SLC7A7: variants seen among roughly 807,000 people sequenced by gnomAD.
SLC7A7 encodes Y+L amino acid transporter 1.
A neutral mutation model predicts 47.9 loss-of-function variants in SLC7A7; 39 were observed. The ratio of observed to expected loss-of-function variants is 0.81; its 90% confidence interval spans 0.63 to 1.06. The LOEUF (loss-of-function observed/expected upper bound fraction) is 1.06, where lower values mean the gene tolerates loss of function less well. SLC7A7 is among the 50% of genes least tolerant of loss of function. SLC7A7 has a pLI of 0.00. For missense variants in SLC7A7, 588 were observed against 632.0 expected, an observed-to-expected ratio of 0.93 and a Z score of 0.75; for synonymous variants, 234 against 242.8, an observed-to-expected ratio of 0.96 and a Z score of 0.34.
intron 2 of SLC7A7, among the ~76,000 whole-genome samples, chr14:22,806,898 T>A (rs2039220284): frequency 6.8e-6 from 1 of 147,360 alleles, no homozygotes; most frequent in Non-Finnish European, 1.5e-5. Context: ...CTGTTAACTT[T>A]TTTTTTTTTT....
chr14:22,783,558 G>A (rs2038759496), intron 2 of SLC7A7, among the ~76,000 whole-genome samples: 1 of 151,728 alleles, frequency 6.6e-6, no homozygotes, highest in African/African-American at 2.4e-5. Context: ...TCAACACCAT[G>A]CCCAGCTAAT....
intron 2 of SLC7A7, among the ~76,000 whole-genome samples, chr14:22,786,643 G>A (rs2038822637): frequency 6.6e-6 from 1 of 152,134 alleles, no homozygotes; most frequent in South Asian, 2.1e-4. Context: ...CTATAAAAAT[G>A]ATTTTTTTAG....
At chr14:22,818,748 C>T (rs537008141), upstream of SLC7A7, among the ~76,000 whole-genome samples, 11 of 151,930 alleles carry the variant, frequency 7.2e-5, no homozygotes, top group Non-Finnish European at 1.5e-4. Flanking sequence ...TGCCCGCCAC[C>T]GCGCCCAGCT....
At chr14:22,817,228 C>T, upstream of SLC7A7, 1 of 230,534 alleles carries the variant, frequency 4.3e-6, no homozygotes, top group Middle Eastern at 4.7e-4. Flanking sequence ...ACTGCAACCT[C>T]CACCACCTCC....
upstream of SLC7A7, chr14:22,816,069 C>G: frequency 5.4e-6 from 1 of 184,702 alleles, no homozygotes; most frequent in Non-Finnish European, 1.2e-5. Context: ...GATCAAATAT[C>G]TGACTGCATC....
At chr14:22,798,647 C>T (rs1038918061) in intron 2 of SLC7A7, among the ~76,000 whole-genome samples, 2 of 152,198 alleles carry the variant, frequency 1.3e-5, no homozygotes, top group African/African-American at 4.8e-5. Context: ...CTAACAATCA[C>T]CCTCCATGCT....
At position 22,778,804 on chromosome 14, in the gene SLC7A7, C is replaced by G; in HGVS notation, c.759G>C (p.Lys253Asn). ...DTLNYVTEEIKNPERNLPLSI... is the reference protein window; with the variant it reads ...DTLNYVTEEINNPERNLPLSI... ...GGTGCAGTACCTACCTCTCAGGATT[C>G]TTGATCTCTTCAGTGACATAGTTGA... The change falls in exon 4 of 10, where the codon AAG (lysine) becomes AAC (asparagine). Residue 253 changes from lysine to asparagine, a missense_variant. By Grantham distance (94) the Lys-to-Asn change is moderately conservative (BLOSUM62 0). Coordinates refer to ENST00000674313, the MANE Select transcript of SLC7A7 (RefSeq NM_003982.4). 6.2e-7 allele frequency: 1 copy of G among 1,614,144 alleles called. No homozygotes were observed. The highest frequency in any genetic ancestry group is 1.3e-5 in the African/African-American group (1 of 75,024).
In SLC7A7 at chr14:22,785,728, A is replaced by T. The variant is rs113601654; in HGVS notation, c.500-5677T>A. 5.2e-3 allele frequency among the ~76,000 whole-genome samples: 750 copies of T among 143,628 alleles called. 10 individuals are homozygous for T. Among genetic ancestry groups the T allele is most frequent in the African/African-American group, 0.019 (719 of 37,200 alleles). The allele number at this position is 143,628 out of a possible 152,430, so 94.2% of individuals were successfully genotyped here. ...GCAACAAAAGCAAAACTCCATCTCA[A>T]AAAAAAAAAAAAAAGCCAGGCGCGG... On this transcript the variant is annotated intron_variant, in intron 2 of 9. Transcript: ENST00000674313.
upstream of SLC7A7, among the ~76,000 whole-genome samples, chr14:22,816,813 T>C (rs1376373109): frequency 1.3e-5 from 2 of 152,108 alleles, no homozygotes; most frequent in Admixed American, 1.3e-4. Context: ...CATCCTCCCA[T>C]TCTAGCTCTT....
intron 6 of SLC7A7, 21 bp downstream of exon 6, chr14:22,775,812 C>G: frequency 6.4e-7 from 1 of 1,573,240 alleles, no homozygotes; most frequent in Non-Finnish European, 8.8e-7. Context: ...ATACACCCCT[C>G]ACAAAAGTTG....
At chr14:22,796,436 T>C (rs910819962) in intron 2 of SLC7A7, among the ~76,000 whole-genome samples, 1 of 152,150 alleles carries the variant, frequency 6.6e-6, no homozygotes, top group Non-Finnish European at 1.5e-5. Flanking sequence ...AATACCCTTC[T>C]CAGCCAAGTT....
In SLC7A7 at chr14:22,780,003, A is replaced by G. The variant is rs771965858; in HGVS notation, c.548T>C (p.Val183Ala). The G allele has an allele frequency of 6.8e-6, 11 of 1,614,004 alleles. No individual in the cohort carries two copies. Among genetic ancestry groups the G allele is most frequent in the Middle Eastern group, 1.6e-4 (1 of 6,084 alleles). Residue 183 changes from valine (V) to alanine (A), a missense_variant, in exon 3 of 10, where the codon GTA (valine) becomes GCA (alanine). Coordinates refer to ENST00000674313, the MANE Select transcript of SLC7A7 (RefSeq NM_003982.4). ...NCAYVKWGTLVQDIFTYAKVL... is the reference protein window; with the variant it reads ...NCAYVKWGTLAQDIFTYAKVL... Reference sequence around the variant, plus strand: ...TTTAGCATAGGTGAAAATATCTTGTACCAGGGTTCCCCATTTGACATAGGC... The same window carrying G: ...TTTAGCATAGGTGAAAATATCTTGTGCCAGGGTTCCCCATTTGACATAGGC...
intron 3 of SLC7A7, 95 bp downstream of exon 3, chr14:22,779,831 G>T (rs1239731392): frequency 1.6e-5 from 19 of 1,159,912 alleles, no homozygotes; most frequent in Non-Finnish European, 2.3e-5. Context: ...TAAGGTTATA[G>T]TAAGAAATGA....
rs8004437 is a variant in SLC7A7, at chr14:22,788,865, T to C, written c.500-8814A>G. Among the ~76,000 whole-genome samples the C allele has an allele frequency of 9.2e-3, 1,397 of 152,142 alleles. 14 individuals are homozygous for C. Among genetic ancestry groups the C allele is most frequent in the African/African-American group, 0.032 (1,332 of 41,498 alleles). On this transcript the variant is annotated intron_variant, in intron 2 of 9. Transcript: ENST00000674313. ...TCAATGCTACTAGAAGTCAGAATAG[T>C]GATTTCCCTTTGTGTGGGGTGGAGA... is the stretch of plus-strand genomic sequence containing the variant.
intron 6 of SLC7A7, 32 bp from the exon 7 acceptor site, chr14:22,775,572 A>C (rs1228107205): frequency 6.3e-7 from 1 of 1,589,520 alleles, no homozygotes; most frequent in Non-Finnish European, 8.6e-7. Flanking sequence ...AAGCTGAGAA[A>C]ATTGGTGGAC....
chr14:22,774,243 A>G, intron 8 of SLC7A7, 111 bp downstream of exon 8: 2 of 1,595,488 alleles, frequency 1.3e-6, no homozygotes, highest in Admixed American at 1.7e-5. Flanking sequence ...ACACATTACT[A>G]ACGACCAAGT....
At chr14:22,799,765 T>A (rs2039080999) in intron 2 of SLC7A7, among the ~76,000 whole-genome samples, 1 of 152,072 alleles carries the variant, frequency 6.6e-6, no homozygotes, top group South Asian at 2.1e-4. Flanking sequence ...GTTCCTATGG[T>A]TTCAATAACC....
At chr14:22,816,560 T>C (rs2039410700), upstream of SLC7A7, 1 of 152,100 alleles carries the variant, frequency 6.6e-6, no homozygotes. Flanking sequence ...CTGAATTCTG[T>C]TGGACAGACA....
chr14:22,779,735 C>T (rs551112862), intron 3 of SLC7A7, among the ~76,000 whole-genome samples, 191 bp downstream of exon 3: 3 of 151,886 alleles, frequency 2.0e-5, no homozygotes, highest in African/African-American at 4.8e-5. Flanking sequence ...ATTACAAGCA[C>T]GAGCCACTGC....
Sources: gnomAD v4.1 joint callset for allele counts (sites outside exome capture counted in the v4.1 genomes callset) on GRCh38, gnomAD v4.1.1 for gene constraint, MANE v1.5 for transcripts, NCBI Gene and HGNC (gene_info 2026-07-23, HGNC 2026-07-21) for gene names.